Variants in CCDC149 observed in about 807,000 individuals in gnomAD.
The protein encoded by CCDC149 is coiled-coil domain containing 149, also known as coiled-coil domain-containing protein 149.
A neutral mutation model predicts 59.9 loss-of-function variants in CCDC149; 45 were observed. The ratio of observed to expected loss-of-function variants is 0.75; its 90% CI spans 0.59 to 0.96. CCDC149 has a LOEUF of 0.96. Among genes scored for constraint, CCDC149 ranks in the 40% least tolerant of loss-of-function variants. CCDC149 has a pLI of 0.00. For missense variants in CCDC149, 584 were observed against 664.7 expected, an observed-to-expected ratio of 0.88 and a Z score of 1.33; for synonymous variants, 245 against 260.6, an observed-to-expected ratio of 0.94 and a Z score of 0.58.
intron 3 of CCDC149, among the ~76,000 whole-genome samples, chr4:24,870,457 C>T (rs1264434855): frequency 6.6e-6 from 1 of 152,186 alleles, no homozygotes; most frequent in Admixed American, 6.5e-5. Context: ...CTATCTCGTG[C>T]AGCAATCACT....
chr4:24,813,494 A>ATCTATATCTATATCTATCTATC (rs1250098770), intron 12 of CCDC149, among the ~76,000 whole-genome samples: 10 of 6,950 alleles, frequency 1.4e-3, no homozygotes, highest in African/African-American at 2.2e-3. Context: ...TGGGGAATAT[A>ATCTATATCTATATCTATCTATC]TATATATATA....
intron 10 of CCDC149, among the ~76,000 whole-genome samples, chr4:24,821,986 T>C (rs1268259700): frequency 2.0e-5 from 3 of 152,188 alleles, no homozygotes; most frequent in Non-Finnish European, 4.4e-5. Context: ...GAACAATTGT[T>C]GGTTTTTATC....
intron 1 of CCDC149, among the ~76,000 whole-genome samples, chr4:24,891,568 C>T (rs142181232): frequency 7.4e-4 from 113 of 152,248 alleles, no homozygotes; most frequent in Middle Eastern, 6.8e-3. Context: ...ATTTAAATGA[C>T]GATAAAATGG....
intron 3 of CCDC149, among the ~76,000 whole-genome samples, chr4:24,859,037 T>C (rs1303049155): frequency 6.6e-6 from 1 of 152,196 alleles, no homozygotes; most frequent in Admixed American, 6.5e-5. Context: ...TTTAAACTTA[T>C]AAGAACCAAT....
intron 1 of CCDC149, among the ~76,000 whole-genome samples, chr4:24,899,762 G>A (rs114320005): frequency 0.015 from 2,220 of 152,112 alleles, 53 homozygotes; most frequent in African/African-American, 0.05. Flanking sequence ...GGAGACTATT[G>A]TGCCATTGTT....
At chr4:24,923,185 C>T (rs560598543) in intron 1 of CCDC149, among the ~76,000 whole-genome samples, 3 of 152,196 alleles carry the variant, frequency 2.0e-5, no homozygotes, top group Non-Finnish European at 4.4e-5. Flanking sequence ...GACAAGGTCA[C>T]AGGCTGATAC....
chr4:24,958,371 T>G (rs1287910572), intron 1 of CCDC149, among the ~76,000 whole-genome samples: 1 of 152,220 alleles, frequency 6.6e-6, no homozygotes, highest in African/African-American at 2.4e-5. Flanking sequence ...AGACTACCTA[T>G]CTGAAGCACC....
chr4:24,908,571 G>T (rs1433952454), intron 1 of CCDC149, among the ~76,000 whole-genome samples: 1 of 151,704 alleles, frequency 6.6e-6, no homozygotes, highest in Non-Finnish European at 1.5e-5. Context: ...ATGGTGGCAC[G>T]TGCCTGTAAC....
At chr4:24,888,718 C>T (rs1720345949) in intron 1 of CCDC149, among the ~76,000 whole-genome samples, 1 of 152,192 alleles carries the variant, frequency 6.6e-6, no homozygotes, top group Non-Finnish European at 1.5e-5. Context: ...AATCCCTAAG[C>T]CCTGCAACAT....
chr4:24,927,828 T>C (rs1174200148), intron 1 of CCDC149, among the ~76,000 whole-genome samples: 2 of 152,042 alleles, frequency 1.3e-5, no homozygotes, highest in Non-Finnish European at 2.9e-5. Flanking sequence ...AAGAGTTCCT[T>C]AGATCTTTAC....
chr4:24,873,656 A>G (rs754248594), intron 3 of CCDC149, 25 bp downstream of exon 3: 3 of 1,548,584 alleles, frequency 1.9e-6, no homozygotes, highest in Non-Finnish European at 2.7e-6. Context: ...CAATAAAAAA[A>G]TCTGAGATCA....
At chr4:24,893,633 T>TTTTTTC (rs1379407139) in intron 1 of CCDC149, among the ~76,000 whole-genome samples, 1 of 143,270 alleles carries the variant, frequency 7.0e-6, no homozygotes, top group East Asian at 2.0e-4. Context: ...TTTTTTTTTT[T>TTTTTTC]TGAGATGAAG....
At chr4:24,892,699 G>C (rs1435757731) in intron 1 of CCDC149, among the ~76,000 whole-genome samples, 1 of 152,170 alleles carries the variant, frequency 6.6e-6, no homozygotes, top group Non-Finnish European at 1.5e-5. Flanking sequence ...ACTGTCCAGT[G>C]AGATGGAAGC....
intron 1 of CCDC149, among the ~76,000 whole-genome samples, chr4:24,950,489 T>G (rs917178533): frequency 6.6e-6 from 1 of 152,046 alleles, no homozygotes; most frequent in Non-Finnish European, 1.5e-5. Context: ...GACTCGGGGG[T>G]GGGAATATGG....
chr4:24,942,769 C>G (rs1411365166), intron 1 of CCDC149, among the ~76,000 whole-genome samples: 15 of 151,918 alleles, frequency 9.9e-5, no homozygotes, highest in Admixed American at 9.8e-4. Context: ...AAACAGAGAG[C>G]CAAATCATGA....
chr4:24,897,448 G>T (rs1434174320), intron 1 of CCDC149, among the ~76,000 whole-genome samples: 1 of 152,106 alleles, frequency 6.6e-6, no homozygotes, highest in Non-Finnish European at 1.5e-5. Context: ...GTGAGGAAGG[G>T]TCACAGTCAG....
At chr4:24,825,689 C>T (rs540013539) in intron 9 of CCDC149, among the ~76,000 whole-genome samples, 9 of 151,366 alleles carry the variant, frequency 5.9e-5, no homozygotes, top group East Asian at 2.0e-4. Flanking sequence ...AGGAGAATGG[C>T]GTGAACCCAG....
chr4:24,893,372 T>C (rs187633846), intron 1 of CCDC149, among the ~76,000 whole-genome samples: 1 of 152,328 alleles, frequency 6.6e-6, no homozygotes, highest in African/African-American at 2.4e-5. Flanking sequence ...TTAATTCTGG[T>C]ATTTCATTAA....
rs532311323 is a variant in CCDC149, at chr4:24,822,436, T to A, written c.1042+61A>T. The A allele has an allele frequency of 4.4e-6, 5 of 1,141,532 alleles. No homozygotes were observed. In the South Asian group the frequency reaches 6.4e-5, roughly 15 times the overall value. 70.7% of individuals were successfully genotyped at this position (1,141,532 alleles called of 1,614,324 possible). A position where few individuals can be genotyped will look rare whatever the true frequency, so the allele number is the denominator to read the frequency against. Reference sequence around the variant, plus strand: ...AGACTCTTGTAAATTACGTGGGAGCTTCATTTCTTAAAAAAAAGAAAAAAA... The same window carrying A: ...AGACTCTTGTAAATTACGTGGGAGCATCATTTCTTAAAAAAAAGAAAAAAA... On this transcript the variant is annotated intron_variant, in intron 10 of 12. Coordinates refer to ENST00000635206, the MANE Select transcript of CCDC149 (RefSeq NM_001330643.2).
Sources: gnomAD v4.1 joint callset for allele counts (sites outside exome capture counted in the v4.1 genomes callset) on GRCh38, gnomAD v4.1.1 for gene constraint, MANE v1.5 for transcripts, NCBI Gene and HGNC (gene_info 2026-07-23, HGNC 2026-07-21) for gene names.